Variants in C18orf63 observed in about 807,000 individuals in gnomAD.
C18orf63 encodes the protein chromosome 18 open reading frame 63.
Under a neutral mutation model 75.3 loss-of-function variants are expected in C18orf63, and 50 were observed. The ratio of observed to expected loss-of-function variants is 0.66; its 90% CI spans 0.53 to 0.84. The LOEUF (loss-of-function observed/expected upper bound fraction) is 0.84, where lower values mean the gene tolerates loss of function less well. Among genes scored for constraint, C18orf63 ranks in the 40% least tolerant of loss-of-function variants. The probability of loss-of-function intolerance (pLI) is 0.00; values close to 1 mark genes in which losing one functional copy is unlikely to be tolerated. For synonymous variants in C18orf63, 232 were observed against 267.6 expected (o/e 0.87, Z 1.30); for missense variants, 732 against 800.2 (o/e 0.91, Z 1.03).
At chr18:74,337,342 A>G (rs1355048433) in intron 7 of C18orf63, among the ~76,000 whole-genome samples, 1 of 152,096 alleles carries the variant, frequency 6.6e-6, no homozygotes, top group Non-Finnish European at 1.5e-5. Flanking sequence ...AGAAAGACCA[A>G]TGTAAACAAT....
intron 2 of C18orf63, among the ~76,000 whole-genome samples, 185 bp from the exon 3 acceptor site, chr18:74,320,328 T>C (rs1161189615): frequency 6.6e-6 from 1 of 152,034 alleles, no homozygotes; most frequent in Non-Finnish European, 1.5e-5. Flanking sequence ...CTACACACTT[T>C]TAAACAAGAT....
At chr18:74,328,915 C>A in intron 5 of C18orf63, 80 bp from the exon 6 acceptor site, 1 of 773,064 alleles carries the variant, frequency 1.3e-6, no homozygotes, top group Non-Finnish European at 2.1e-6. Context: ...TTGATAATCT[C>A]ACATCAAGCA....
intron 1 of C18orf63, 134 bp downstream of exon 1, chr18:74,316,243 C>T (rs1415219114): frequency 6.6e-6 from 1 of 152,154 alleles, no homozygotes; most frequent in Admixed American, 6.5e-5. Flanking sequence ...ATGTATTCAT[C>T]TGCAAAGACC....
At chr18:74,325,256 G>A (rs969879441) in intron 4 of C18orf63, among the ~76,000 whole-genome samples, 1 of 152,058 alleles carries the variant, frequency 6.6e-6, no homozygotes, top group Non-Finnish European at 1.5e-5. Context: ...TAAAAAACAC[G>A]TTCTAATTCC....
chr18:74,329,840 T>C (rs1428446914), intron 6 of C18orf63, among the ~76,000 whole-genome samples: 1 of 152,206 alleles, frequency 6.6e-6, no homozygotes, highest in African/African-American at 2.4e-5. Flanking sequence ...TCCTAAACAG[T>C]AGTCCAGAGA....
Position 74,353,812 on chromosome 18 carries a change from T to C in C18orf63, c.1545T>C (p.Asn515=). ...QENSRPLQEK[N]TESSENMTKF... Reference sequence around the variant, plus strand: ...ATTCCAGACCTCTGCAAGAAAAAAATACAGAGTCTTCTGAAAATATGACAA... The same window carrying C: ...ATTCCAGACCTCTGCAAGAAAAAAACACAGAGTCTTCTGAAAATATGACAA... The change falls in exon 12 of 14, where the codon AAT becomes AAC. Residue 515 remains asparagine (N), a synonymous_variant. Coordinates refer to ENST00000579455, the MANE Select transcript of C18orf63 (RefSeq NM_001174123.2). 2 of 1,535,840 alleles carry C rather than the reference T, an allele frequency of 1.3e-6. No homozygotes were observed. The highest frequency in any genetic ancestry group is 1.7e-6 in the Non-Finnish European group (2 of 1,146,786).
intron 13 of C18orf63, among the ~76,000 whole-genome samples, chr18:74,355,453 C>T (rs1984747805): frequency 6.6e-6 from 1 of 151,398 alleles, no homozygotes; most frequent in South Asian, 2.1e-4. Context: ...CACTTTCCCA[C>T]TTTGAACTAC....
At position 74,357,732 on chromosome 18, in the gene C18orf63, G is replaced by C. The variant is rs1185412729; in HGVS notation, c.*1285G>C. On this transcript the variant is annotated 3_prime_UTR_variant, in exon 14 of 14. Transcript: ENST00000579455. The stretch of plus-strand genomic sequence containing the variant: ...ACTCCTGCTCCTGAAATTGTGTTTA[G>C]TTAATTAATTTGCTATATACCTTTA... 6.6e-6 allele frequency: 1 copy of C among 152,146 alleles called. No homozygotes were observed. The highest frequency in any genetic ancestry group is 2.4e-5 in the African/African-American group (1 of 41,442). The allele number at this position is 152,146 out of a possible 1,614,324, so 9.4% of individuals were successfully genotyped here. A position where few individuals can be genotyped will look rare whatever the true frequency, so the allele number is the denominator to read the frequency against.
At chr18:74,343,965 T>C (rs1055206655) in intron 11 of C18orf63, among the ~76,000 whole-genome samples, 1 of 152,134 alleles carries the variant, frequency 6.6e-6, no homozygotes, top group Non-Finnish European at 1.5e-5. Flanking sequence ...AGTTGGGTTA[T>C]TGGAGATTAA....
At chr18:74,344,245 C>A (rs1293998842) in intron 11 of C18orf63, among the ~76,000 whole-genome samples, 1 of 152,116 alleles carries the variant, frequency 6.6e-6, no homozygotes, top group East Asian at 1.9e-4. Flanking sequence ...GGGCATTGGC[C>A]TACATCTCAG....
chr18:74,351,134 T>C (rs1368102050), intron 11 of C18orf63, among the ~76,000 whole-genome samples: 1 of 152,172 alleles, frequency 6.6e-6, no homozygotes, highest in Non-Finnish European at 1.5e-5. Context: ...TGAATCCCAA[T>C]CACCTATTTT....
chr18:74,318,513 G>A (rs1401724451), intron 2 of C18orf63, among the ~76,000 whole-genome samples: 1 of 152,222 alleles, frequency 6.6e-6, no homozygotes, highest in Admixed American at 6.5e-5. Context: ...TAAGAGGGCC[G>A]GGCGTGGTGG....
Position 74,359,160 on chromosome 18 carries a change from A to C in C18orf63, c.*2713A>C, listed in dbSNP as rs1186569086. 6.6e-6 allele frequency: 1 copy of C among 152,248 alleles called. No homozygotes were observed. Among genetic ancestry groups the C allele is most frequent in the Non-Finnish European group, 1.5e-5 (1 of 68,028 alleles). The allele number at this position is 152,248 out of a possible 1,614,324, so 9.4% of individuals were successfully genotyped here. A position where few individuals can be genotyped will look rare whatever the true frequency, so the allele number is the denominator to read the frequency against. On this transcript the variant is annotated 3_prime_UTR_variant, in exon 14 of 14. Coordinates refer to ENST00000579455, the MANE Select transcript of C18orf63 (RefSeq NM_001174123.2). Reference sequence around the variant, plus strand: ...TACGTTACATAGTGTCTTATTCAAAATTGAAAATAATAAAGGTATTTCTAA... The same window carrying C: ...TACGTTACATAGTGTCTTATTCAAACTTGAAAATAATAAAGGTATTTCTAA...
intron 7 of C18orf63, among the ~76,000 whole-genome samples, chr18:74,331,205 G>A (rs1316894507): frequency 6.6e-6 from 1 of 152,000 alleles, no homozygotes; most frequent in Non-Finnish European, 1.5e-5. Context: ...TGGTATCCGA[G>A]ACTCTCCACA....
At chr18:74,318,122 A>G (rs763613862) in intron 2 of C18orf63, 123 bp downstream of exon 2, 2 of 590,816 alleles carry the variant, frequency 3.4e-6, no homozygotes, top group Admixed American at 3.9e-5. Flanking sequence ...ATTTTAAAAT[A>G]AAGGAAGTCA....
At chr18:74,349,045 C>G (rs1181337581) in intron 11 of C18orf63, among the ~76,000 whole-genome samples, 1 of 152,274 alleles carries the variant, frequency 6.6e-6, no homozygotes, top group East Asian at 1.9e-4. Flanking sequence ...TGTTCGAATA[C>G]AAATAACTTA....
At chr18:74,335,911 A>C (rs1451040309) in intron 7 of C18orf63, among the ~76,000 whole-genome samples, 1 of 152,094 alleles carries the variant, frequency 6.6e-6, no homozygotes, top group Non-Finnish European at 1.5e-5. Context: ...TAAAATTCTC[A>C]GATCGGCACT....
Position 74,340,124 on chromosome 18 carries a change from T to C in C18orf63, c.611+1300T>C, listed in dbSNP as rs189568022. Among the ~76,000 whole-genome samples, 295 of 151,318 alleles carry C rather than the reference T, an allele frequency of 1.9e-3. 3 individuals are homozygous for C. Among genetic ancestry groups the C allele is most frequent in the African/African-American group, 6.4e-3 (263 of 41,242 alleles). The stretch of plus-strand genomic sequence containing the variant: ...CCATACATCTGATAAAGAGCTACTA[T>C]CCAAAGTATATAAGGAACTCAAATA... On this transcript the variant is annotated intron_variant, in intron 8 of 13. Coordinates refer to ENST00000579455, the MANE Select transcript of C18orf63 (RefSeq NM_001174123.2).
chr18:74,348,763 T>G (rs182572938), intron 11 of C18orf63, among the ~76,000 whole-genome samples: 12 of 152,338 alleles, frequency 7.9e-5, no homozygotes, highest in Non-Finnish European at 1.5e-4. Flanking sequence ...GTGAATTATT[T>G]ATCATCTCAT....
Sources: allele counts gnomAD v4.1 joint callset (sites outside exome capture counted in the v4.1 genomes callset), GRCh38; gene constraint gnomAD v4.1.1; transcripts MANE v1.5; gene names NCBI Gene and HGNC (gene_info 2026-07-23, HGNC 2026-07-21).